Variants in ATM observed in about 807,000 individuals in gnomAD.
ATM encodes ATM serine/threonine kinase.
A neutral mutation model predicts 387.0 loss-of-function variants in ATM; 308 were observed. The ratio of observed to expected loss-of-function variants is 0.80; its 90% CI spans 0.73 to 0.87. ATM has a LOEUF of 0.87. Among genes scored for constraint, ATM ranks in the 40% least tolerant of loss-of-function variants. ATM has a pLI of 0.00. For missense variants in ATM, 3,312 were observed against 3,560.9 expected (o/e 0.93, Z 1.78); for synonymous variants, 1,156 against 1,187.3 (o/e 0.97, Z 0.54).
At chr11:108,353,654 C>T in intron 59 of ATM, 112 bp from the exon 60 acceptor site, 2 of 840,710 alleles carry the variant, frequency 2.4e-6, no homozygotes, top group Admixed American at 1.8e-5. Context: ...TACTAGTGTT[C>T]ATAGAACGTA....
Position 108,335,960 on chromosome 11 carries a change from A to G in ATM, c.8267A>G (p.Lys2756Arg), listed in dbSNP as rs1555128635. The part of the protein sequence containing the change: ...RKRKLTICTY[K>R]VVPLSQRSGV... ...AGGAAATTAACTATCTGTACTTATA[A>G]GGTAACTATTTGTACTTCTGTTAGT... Residue 2756 changes from lysine (K) to arginine (R), a missense_variant and splice_region_variant, in exon 56 of 63, where the codon AAG becomes AGG. Coordinates refer to ENST00000675843, the MANE Select transcript of ATM (RefSeq NM_000051.4). 2 of 1,599,028 alleles carry G rather than the reference A, an allele frequency of 1.3e-6. No homozygotes were observed. Among genetic ancestry groups the G allele is most frequent in the Non-Finnish European group, 1.7e-6 (2 of 1,166,388 alleles).
At chr11:108,249,231 T>G (rs1428298805) in intron 9 of ATM, 129 bp downstream of exon 9, 1 of 1,053,112 alleles carries the variant, frequency 9.5e-7, no homozygotes, top group Non-Finnish European at 1.4e-6. Flanking sequence ...AACCTATTAC[T>G]AGCAAAGGGA....
At chr11:108,308,330 T>C (rs919462514) in intron 38 of ATM, among the ~76,000 whole-genome samples, 5 of 152,240 alleles carry the variant, frequency 3.3e-5, no homozygotes, top group Admixed American at 6.5e-5. Context: ...CTTTTCTCTT[T>C]GCTTTAGTTC....
intron 26 of ATM, among the ~76,000 whole-genome samples, chr11:108,285,315 TTCTC>T (rs916250187): frequency 2.4e-4 from 25 of 102,494 alleles, no homozygotes; most frequent in Non-Finnish European, 4.3e-4. Context: ...GTATACATTT[TTCTC>T]TCTTTTTTTT....
Position 108,258,969 on chromosome 11 carries a change from G to C in ATM, c.2377-17G>C, listed in dbSNP as rs192105604. On this transcript the variant is annotated splice_polypyrimidine_tract_variant and intron_variant, in intron 15 of 62. Coordinates refer to ENST00000675843, the MANE Select transcript of ATM (RefSeq NM_000051.4). Reference sequence around the variant, plus strand: ...TTATTTCTTTGTTGCTTGGTTCTTTGTTTGTCTTAATTGCAGAAGAGTCCA... The same window carrying C: ...TTATTTCTTTGTTGCTTGGTTCTTTCTTTGTCTTAATTGCAGAAGAGTCCA... The C allele has an allele frequency of 6.2e-7, 1 of 1,600,604 alleles. No individual in the cohort carries two copies. Among genetic ancestry groups the C allele is most frequent in the South Asian group, 1.1e-5 (1 of 90,768 alleles).
At chr11:108,232,378 G>C (rs1016312311) in intron 4 of ATM, among the ~76,000 whole-genome samples, 2 of 152,028 alleles carry the variant, frequency 1.3e-5, no homozygotes, top group Non-Finnish European at 2.9e-5. Flanking sequence ...AAAGATTGGA[G>C]GGTTGATGGA....
intron 37 of ATM, among the ~76,000 whole-genome samples, chr11:108,307,363 T>C (rs2083773001): frequency 6.6e-6 from 1 of 152,174 alleles, no homozygotes; most frequent in African/African-American, 2.4e-5. Context: ...TTGGCCAGGC[T>C]GGTCTCAAAC....
At chr11:108,354,550 C>A (rs1052940092) in intron 60 of ATM, among the ~76,000 whole-genome samples, 6 of 152,192 alleles carry the variant, frequency 3.9e-5, no homozygotes, top group African/African-American at 7.2e-5. Context: ...GAGAGCTGAG[C>A]CCAGTGGTGC....
intron 61 of ATM, 113 bp downstream of exon 61, chr11:108,354,987 TGGCTGGGCAGCAGAAA>T: frequency 1.1e-6 from 1 of 919,492 alleles, no homozygotes; most frequent in Non-Finnish European, 1.8e-6. Flanking sequence ...TAGGGGGATG[TGGCTGGGCAGCAGAAA>T]GGAGGAGATT....
rs876658820 is a variant in ATM at position 108,354,871 on chromosome 11, A to G, written c.8847A>G (p.Val2949=). The change falls in exon 61 of 63, where the codon GTA becomes GTG. Residue 2949 remains valine (V), a synonymous_variant. Coordinates refer to ENST00000675843, the MANE Select transcript of ATM (RefSeq NM_000051.4). The part of the protein sequence containing the change: ...RNSQETLLTI[V]EVLLYDPLFD... ...CTCAGGAAACTCTGTTAACCATTGT[A>G]GAGGTAAAGTATTTTATAAGGAAGA... The G allele has an allele frequency of 1.2e-6, 2 of 1,611,736 alleles. No individual in the cohort carries two copies. Among genetic ancestry groups the G allele is most frequent in the African/African-American group, 2.7e-5 (2 of 74,892 alleles).
chr11:108,312,015 T>C (rs1265414656), intron 39 of ATM, among the ~76,000 whole-genome samples: 1 of 152,202 alleles, frequency 6.6e-6, no homozygotes, highest in Non-Finnish European at 1.5e-5. Context: ...CTTAAATTTA[T>C]ATCTGTTAAG....
chr11:108,292,989 A>AT (rs2082886142), intron 30 of ATM, among the ~76,000 whole-genome samples, 196 bp downstream of exon 30: 1 of 152,214 alleles, frequency 6.6e-6, no homozygotes, highest in Non-Finnish European at 1.5e-5. Context: ...TGATAGTTTT[A>AT]TCTACTGTGC....
chr11:108,306,709 G>T (rs1435744765), intron 37 of ATM, among the ~76,000 whole-genome samples: 1 of 152,140 alleles, frequency 6.6e-6, no homozygotes, highest in Non-Finnish European at 1.5e-5. Flanking sequence ...AATTTAAATG[G>T]TGTATCTTTT....
Position 108,337,630 on chromosome 11 carries a change from G to A in ATM, c.8268+1669G>A, listed in dbSNP as rs368997541. On this transcript the variant is annotated intron_variant, in intron 56 of 62. Transcript: ENST00000675843. ...CACTTTGAGACCCACCAGTCTACTTGTTCTACCATCTATTGACCTGACTTC... is the reference window on the plus strand; with the variant it reads ...CACTTTGAGACCCACCAGTCTACTTATTCTACCATCTATTGACCTGACTTC... Among the ~76,000 whole-genome samples, 69 of 152,282 alleles carry A rather than the reference G, an allele frequency of 4.5e-4. 7 individuals are homozygous for A. The highest frequency in any genetic ancestry group is 2.8e-3 in the Admixed American group (43 of 15,294).
intron 58 of ATM, among the ~76,000 whole-genome samples, chr11:108,346,969 T>G (rs981305095): frequency 3.0e-4 from 45 of 152,166 alleles, no homozygotes; most frequent in Non-Finnish European, 6.2e-4. Context: ...TTGACCCAGG[T>G]AAATAATGGG....
intron 38 of ATM, chr11:108,309,207 C>A (rs1358658564): frequency 3.8e-6 from 2 of 532,620 alleles, no homozygotes; most frequent in Non-Finnish European, 6.7e-6. Flanking sequence ...AAAACAACAA[C>A]AACAAAAAAA....
rs563137460 is a variant in ATM at position 108,332,885 on chromosome 11, T to G, written c.7912T>G (p.Trp2638Gly). Reference sequence around the variant, plus strand: ...ATTAGCAAACTTAGATGCCACTCAGTGGAAGACTCAGAGAAGTATGTTTTT... The same window carrying G: ...ATTAGCAAACTTAGATGCCACTCAGGGGAAGACTCAGAGAAGTATGTTTTT... ...IILANLDATQ[W>G]KTQRKGINIP... The change falls in exon 53 of 63, where the codon TGG becomes GGG. Residue 2638 changes from tryptophan (W) to glycine (G), a missense_variant. Around this residue, in one of 4 missense-constraint regions of ATM, gnomAD observed 1,405 missense variants for 1,604.4 expected, o/e 0.88. Coordinates refer to ENST00000675843, the MANE Select transcript of ATM (RefSeq NM_000051.4). 2.5e-6 allele frequency: 4 copies of G among 1,612,928 alleles called. No homozygotes were observed. In the East Asian group the frequency reaches 8.9e-5, roughly 36 times the overall value.
rs1320858099 is a variant in ATM at position 108,367,879 on chromosome 11, G to A, written c.*2371G>A. On this transcript the variant is annotated 3_prime_UTR_variant, in exon 63 of 63. Transcript: ENST00000675843. The stretch of plus-strand genomic sequence containing the variant: ...CTAAATGAATATTTGGTATATATTG[G>A]TAGTTTTATTACTATAGTAAATCAA... 9.8e-6 allele frequency: 2 copies of A among 205,014 alleles called. No homozygotes were observed. The highest frequency in any genetic ancestry group is 4.6e-5 in the African/African-American group (2 of 43,734). 12.7% of individuals were successfully genotyped at this position (205,014 alleles called of 1,614,324 possible).
intron 16 of ATM, 57 bp from the exon 17 acceptor site, chr11:108,267,114 C>G (rs2081295781): frequency 6.4e-7 from 1 of 1,567,854 alleles, no homozygotes; most frequent in Non-Finnish European, 8.7e-7. Context: ...TAAATTTTGA[C>G]TACAGCATGC....
Sources: allele counts gnomAD v4.1 joint callset (sites outside exome capture counted in the v4.1 genomes callset), GRCh38; gene constraint gnomAD v4.1.1; regional missense constraint gnomAD v4.1.1; transcripts MANE v1.5; gene names NCBI Gene and HGNC (gene_info 2026-07-23, HGNC 2026-07-21).